The following PDZD2 variants were observed in gnomAD, a reference collection of about 807,000 sequenced individuals.
PDZD2 encodes PDZ domain-containing protein 2.
PDZD2 carries 90 observed loss-of-function variants against 220.7 expected under a neutral mutation model. The observed-to-expected ratio is 0.41, with a 90% CI of 0.34 to 0.49. The LOEUF is 0.49. PDZD2 is among the 20% of genes least tolerant of loss of function. The pLI is 0.28. For missense variants in PDZD2, 3,174 were observed against 3,608.5 expected, an observed-to-expected ratio of 0.88 and a Z score of 3.08; for synonymous variants, 1,375 against 1,450.5, an observed-to-expected ratio of 0.95 and a Z score of 1.18.
chr5:31,688,453 C>A (rs1467705949), intron 1 of PDZD2, among the ~76,000 whole-genome samples: 1 of 152,194 alleles, frequency 6.6e-6, no homozygotes, highest in Non-Finnish European at 1.5e-5. Context: ...GCACGAAGAG[C>A]AAACCAGCAC....
chr5:32,069,151 AGCTACTTGGGAG>A (rs1740509472), intron 14 of PDZD2, among the ~76,000 whole-genome samples: 1 of 151,658 alleles, frequency 6.6e-6, no homozygotes, highest in Admixed American at 6.6e-5. Context: ...CTATAGTCCC[AGCTACTTGGGAG>A]GCTGAGGCAG....
At chr5:31,714,644 G>T (rs762867179) in intron 1 of PDZD2, among the ~76,000 whole-genome samples, 1 of 152,122 alleles carries the variant, frequency 6.6e-6, no homozygotes, top group Non-Finnish European at 1.5e-5. Context: ...AAGTGGATTT[G>T]GCAGAATTCC....
At position 32,073,913 on chromosome 5, in the gene PDZD2, A is replaced by G. The variant is rs1741005319; in HGVS notation, c.2807A>G (p.Gln936Arg). Reference sequence around the variant, plus strand: ...CGGGCTTCTGGGCTCTTCCACAAGCAGGTGACAGTTGCCAGACAAGCCAGT... The same window carrying G: ...CGGGCTTCTGGGCTCTTCCACAAGCGGGTGACAGTTGCCAGACAAGCCAGT... ...SHRASGLFHK[Q>R]VTVARQASLP... Residue 936 changes from glutamine (Q) to arginine (R), a missense_variant, in exon 18 of 25, where the codon CAG becomes CGG. This residue lies in a region of PDZD2 where 1,861 missense variants were observed against 2,001.0 expected (regional missense o/e 0.93). Coordinates refer to ENST00000438447, the MANE Select transcript of PDZD2 (RefSeq NM_178140.4). 6.2e-7 allele frequency: 1 copy of G among 1,614,118 alleles called. No individual in the cohort carries two copies. The highest frequency in any genetic ancestry group is 1.3e-5 in the African/African-American group (1 of 75,040).
intron 2 of PDZD2, among the ~76,000 whole-genome samples, chr5:31,877,172 A>G (rs1161161063): frequency 4.6e-5 from 7 of 152,180 alleles, no homozygotes; most frequent in Non-Finnish European, 1.0e-4. Flanking sequence ...GATTATTAAC[A>G]GTTTAGATTC....
At position 31,845,534 on chromosome 5, in the gene PDZD2, C is replaced by T. The variant is rs115064572; in HGVS notation, c.476+45810C>T. ...TAACAGTGGGAGGGAAGTCAGGGAACGTGTCCTGCACAGATTAGAATGTTC... is the reference window on the plus strand; with the variant it reads ...TAACAGTGGGAGGGAAGTCAGGGAATGTGTCCTGCACAGATTAGAATGTTC... On this transcript the variant is annotated intron_variant, in intron 2 of 24. Coordinates refer to ENST00000438447, the MANE Select transcript of PDZD2 (RefSeq NM_178140.4). Among the ~76,000 whole-genome samples the T allele has an allele frequency of 9.2e-3, 1,394 of 152,288 alleles. 19 individuals carry two copies. Among genetic ancestry groups the T allele is most frequent in the African/African-American group, 0.03 (1,247 of 41,564 alleles).
rs1754346213 is a variant in PDZD2 at position 31,800,778 on chromosome 5, C to A, written c.476+1054C>A. Among the ~76,000 whole-genome samples, 4 of 152,230 alleles carry A rather than the reference C, an allele frequency of 2.6e-5. 1 individual carries two copies. The highest frequency in any genetic ancestry group is 9.6e-5 in the African/African-American group (4 of 41,550). Reference sequence around the variant, plus strand: ...AATTTGAGGATATTCTGAGTGAGATCCATGAATTTTGTCAAGCTTTCAGGG... The same window carrying A: ...AATTTGAGGATATTCTGAGTGAGATACATGAATTTTGTCAAGCTTTCAGGG... On this transcript the variant is annotated intron_variant, in intron 2 of 24. Transcript: ENST00000438447.
chr5:31,975,793 C>CTTTTTTTGTTTT (rs1749697267), intron 2 of PDZD2, among the ~76,000 whole-genome samples: 1 of 55,182 alleles, frequency 1.8e-5, no homozygotes, highest in African/African-American at 8.5e-5. Flanking sequence ...GTATCAGTCA[C>CTTTTTTTGTTTT]TTTTTTTTTA....
At position 32,074,522 on chromosome 5, in the gene PDZD2, G is replaced by A. The variant is rs757977276; in HGVS notation, c.3416G>A (p.Gly1139Asp). 6.8e-6 allele frequency: 11 copies of A among 1,614,104 alleles called. No homozygotes were observed. The highest frequency in any genetic ancestry group is 9.3e-6 in the Non-Finnish European group (11 of 1,179,942). ...KRSEAEAKPS[G>D]SQTVNLTGRA... ...TCCGAGGCTGAGGCCAAGCCCAGTG[G>A]CTCACAGACAGTGAACCTGACTGGC... Residue 1139 changes from glycine (G) to aspartate (D), a missense_variant, in exon 18 of 25, where the codon GGC (glycine) becomes GAC (aspartate). Physicochemically the swap from Gly to Asp is moderately conservative, Grantham distance 94. Around this residue, in one of 4 missense-constraint regions of PDZD2, gnomAD observed 1,861 missense variants for 2,001.0 expected, o/e 0.93. Coordinates refer to ENST00000438447, the MANE Select transcript of PDZD2 (RefSeq NM_178140.4).
chr5:31,944,290 A>T (rs971781844), intron 2 of PDZD2, among the ~76,000 whole-genome samples: 4 of 152,132 alleles, frequency 2.6e-5, no homozygotes. Flanking sequence ...ATTTACTTAG[A>T]TCTTCATTTA....
chr5:31,803,552 G>A (rs1754530463), intron 2 of PDZD2, among the ~76,000 whole-genome samples: 1 of 152,052 alleles, frequency 6.6e-6, no homozygotes, highest in South Asian at 2.1e-4. Flanking sequence ...GCCCTGGAGT[G>A]ATTTGAGGCA....
chr5:31,989,421 CTTTTTTTT>C (rs869045113), intron 3 of PDZD2, among the ~76,000 whole-genome samples: 1 of 119,902 alleles, frequency 8.3e-6, no homozygotes, highest in African/African-American at 3.4e-5. Context: ...ATTTTCTTTT[CTTTTTTTT>C]TTTTTTTTTT....
At chr5:31,837,015 TAAAAGAAAGAAA>T (rs1345598592) in intron 2 of PDZD2, among the ~76,000 whole-genome samples, 5 of 103,096 alleles carry the variant, frequency 4.8e-5, no homozygotes, top group African/African-American at 2.2e-4. Flanking sequence ...GAGACTGTCT[TAAAAGAAAGAAA>T]GAAAGAAAGA....
At chr5:32,084,837 T>C (rs1253556859) in intron 19 of PDZD2, among the ~76,000 whole-genome samples, 2 of 152,084 alleles carry the variant, frequency 1.3e-5, no homozygotes, top group Non-Finnish European at 2.9e-5. Context: ...TGAGTGGCTG[T>C]TGGAACCCAC....
chr5:31,743,970 T>C (rs1750429034), intron 1 of PDZD2: 1 of 152,336 alleles, frequency 6.6e-6, no homozygotes, highest in African/African-American at 2.4e-5. Context: ...GAGTTTTCTG[T>C]CCTAGTCTTT....
At chr5:32,029,645 G>T (rs967218245) in intron 6 of PDZD2, among the ~76,000 whole-genome samples, 1 of 152,150 alleles carries the variant, frequency 6.6e-6, no homozygotes, top group Non-Finnish European at 1.5e-5. Flanking sequence ...TGGGCTAGAA[G>T]CAGACCTGAC....
intron 7 of PDZD2, among the ~76,000 whole-genome samples, chr5:32,046,868 C>T (rs1158782765): frequency 6.6e-6 from 1 of 151,994 alleles, no homozygotes; most frequent in Non-Finnish European, 1.5e-5. Context: ...CATGGTGAAA[C>T]CCCATCTCTA....
intron 2 of PDZD2, among the ~76,000 whole-genome samples, chr5:31,980,760 AT>A (rs142433318): frequency 0.019 from 2,839 of 152,170 alleles, 72 homozygotes; most frequent in African/African-American, 0.064. Flanking sequence ...TTCAATTTTT[AT>A]TTTTGAGACT....
chr5:32,015,604 G>A (rs917226507), intron 6 of PDZD2, among the ~76,000 whole-genome samples: 3 of 152,098 alleles, frequency 2.0e-5, no homozygotes, highest in African/African-American at 4.8e-5. Flanking sequence ...AAATGTTTAC[G>A]ATCTCCAATA....
At chr5:31,899,124 G>A (rs1413611773) in intron 2 of PDZD2, among the ~76,000 whole-genome samples, 3 of 151,172 alleles carry the variant, frequency 2.0e-5, no homozygotes, top group Non-Finnish European at 4.4e-5. Context: ...ACCGCGCCTG[G>A]CCTCTTTGTT....
Sources: allele counts gnomAD v4.1 joint callset (sites outside exome capture counted in the v4.1 genomes callset), GRCh38; gene constraint gnomAD v4.1.1; regional missense constraint gnomAD v4.1.1; transcripts MANE v1.5; gene names NCBI Gene and HGNC (gene_info 2026-07-23, HGNC 2026-07-21).